Variants in CEP295 observed in about 807,000 individuals in gnomAD.
CEP295 encodes centrosomal protein of 295 kDa.
A neutral mutation model predicts 291.6 loss-of-function variants in CEP295; 190 were observed. The ratio of observed to expected loss-of-function variants is 0.65; its 90% CI spans 0.58 to 0.73. The LOEUF is 0.73. Among genes scored for constraint, CEP295 ranks in the 30% least tolerant of loss-of-function variants. CEP295 has a pLI of 0.00. For missense variants in CEP295, 2,863 were observed against 2,949.4 expected (o/e 0.97, Z 0.68); for synonymous variants, 993 against 1,038.8 (o/e 0.96, Z 0.85).
chr11:93,667,548 T>C (rs1950247728), intron 2 of CEP295, 59 bp from the exon 3 acceptor site: 7 of 1,294,462 alleles, frequency 5.4e-6, no homozygotes, highest in Non-Finnish European at 7.3e-6. Context: ...CCAAATAGCT[T>C]TTCAAAAAAG....
Position 93,698,538 on chromosome 11 carries a change from C to T in CEP295, c.3626C>T (p.Ser1209Phe), listed in dbSNP as rs571453265. ...SEQTGTSSSL[S>F]QVDESERFQE... ...CAGACTGGCACCTCCTCATCCCTTT[C>T]CCAGGTGGATGAATCTGAGAGATTC... The change falls in exon 15 of 30, where the codon TCC becomes TTC. Residue 1209 changes from serine to phenylalanine, a missense_variant. Transcript: ENST00000325212. The T allele has an allele frequency of 2.1e-5, 33 of 1,552,110 alleles. No homozygotes were observed. Among genetic ancestry groups the T allele is most frequent in the African/African-American group, 2.7e-5 (2 of 73,174 alleles).
intron 18 of CEP295, among the ~76,000 whole-genome samples, chr11:93,712,856 T>TTTGTTGTTG (rs56969423): frequency 0.054 from 8,013 of 148,828 alleles, 258 homozygotes; most frequent in Non-Finnish European, 0.069. Flanking sequence ...TTTCTTCTGT[T>TTTGTTGTTG]TTGTTGTTGT....
intron 18 of CEP295, among the ~76,000 whole-genome samples, chr11:93,712,442 C>T (rs778774112): frequency 3.8e-4 from 57 of 151,370 alleles, no homozygotes; most frequent in Non-Finnish European, 2.9e-4. Flanking sequence ...TTAGTAGAGA[C>T]GGGGTTTCGC....
intron 5 of CEP295, among the ~76,000 whole-genome samples, chr11:93,673,745 G>A (rs1029534542): frequency 1.3e-5 from 2 of 151,922 alleles, no homozygotes; most frequent in African/African-American, 2.4e-5. Context: ...TGCCTGCCTT[G>A]GCCTCCCAAA....
At chr11:93,693,356 C>T (rs1418303168) in intron 12 of CEP295, among the ~76,000 whole-genome samples, 1 of 152,100 alleles carries the variant, frequency 6.6e-6, no homozygotes, top group East Asian at 1.9e-4. Context: ...CAACTTACCT[C>T]GAAGGAGGCT....
chr11:93,703,116 A>C (rs1244453071), intron 17 of CEP295, among the ~76,000 whole-genome samples, 197 bp downstream of exon 17: 1 of 152,084 alleles, frequency 6.6e-6, no homozygotes, highest in Non-Finnish European at 1.5e-5. Flanking sequence ...GGCGCCCGCC[A>C]CCACACCCAG....
At position 93,668,942 on chromosome 11, in the gene CEP295, T is replaced by G. The variant is rs1204257197; in HGVS notation, c.434+10T>G. ...TGAAACAAAAAACCTGGTAAAGTAA[T>G]AATTTTTACTATAATCTCAACTGAA... On this transcript the variant is annotated intron_variant, in intron 4 of 29. Transcript: ENST00000325212. The G allele has an allele frequency of 6.7e-6, 7 of 1,037,062 alleles. No individual in the cohort carries two copies. In the East Asian group the frequency reaches 1.8e-4, roughly 27 times the overall value. 64.2% of individuals were successfully genotyped at this position (1,037,062 alleles called of 1,614,324 possible).
intron 18 of CEP295, among the ~76,000 whole-genome samples, chr11:93,717,801 G>A (rs1475198171): frequency 6.6e-6 from 1 of 152,058 alleles, no homozygotes; most frequent in African/African-American, 2.4e-5. Flanking sequence ...TGGAATTGTT[G>A]ATGTTTAACA....
At chr11:93,700,426 CTTTT>C (rs11410177) in intron 15 of CEP295, among the ~76,000 whole-genome samples, 1 of 129,354 alleles carries the variant, frequency 7.7e-6, no homozygotes. Context: ...TTTGTTTTTG[CTTTT>C]TTTTTTTTTT....
In CEP295 at chr11:93,700,075, G is replaced by A. The variant is rs1219883708; in HGVS notation, c.5163G>A (p.Leu1721=). 1 of 1,551,794 alleles carries A rather than the reference G, an allele frequency of 6.4e-7. No individual in the cohort carries two copies. The highest frequency in any genetic ancestry group is 8.7e-7 in the Non-Finnish European group (1 of 1,147,012). The change falls in exon 15 of 30, where the codon CTG becomes CTA. Residue 1721 remains leucine (L), a synonymous_variant. Coordinates refer to ENST00000325212, the MANE Select transcript of CEP295 (RefSeq NM_033395.2). Reference sequence around the variant, plus strand: ...AGTTGGATCTACAAAGAGAAGTTCTGCATTATAGCCAGAAAGCCCAGGAAA... The same window carrying A: ...AGTTGGATCTACAAAGAGAAGTTCTACATTATAGCCAGAAAGCCCAGGAAA... ...QKQLDLQREV[L]HYSQKAQEKL...
rs1950347189 is a variant in CEP295, at chr11:93,669,767, T to G, written c.525T>G (p.Phe175Leu). Residue 175 changes from phenylalanine to leucine, a missense_variant, in exon 5 of 30, where the codon TTT becomes TTG. By Grantham distance (22) the Phe-to-Leu change is conservative. Around this residue, in one of 3 missense-constraint regions of CEP295, gnomAD observed 554 missense variants for 576.0 expected, o/e 0.96. Coordinates refer to ENST00000325212, the MANE Select transcript of CEP295 (RefSeq NM_033395.2). ...TGCCACCTCCTCCTCCAACTCTTTT[T>G]GAGGTGAGTTTGAGTATTAAGAGGA... ...TSLPPPPPTL[F>L]ENIEVKRISA... 1.3e-6 allele frequency: 2 copies of G among 1,545,582 alleles called. No homozygotes were observed. Among genetic ancestry groups the G allele is most frequent in the Non-Finnish European group, 8.8e-7 (1 of 1,141,632 alleles).
Position 93,706,769 on chromosome 11 carries a change from G to C in CEP295, c.5621G>C (p.Arg1874Thr). 6.5e-7 allele frequency: 1 copy of C among 1,546,294 alleles called. No individual in the cohort carries two copies. Among genetic ancestry groups the C allele is most frequent in the Non-Finnish European group, 8.7e-7 (1 of 1,144,674 alleles). The stretch of plus-strand genomic sequence containing the variant: ...GGTAAACCAGGTATTTATGAAGACA[G>C]AGACCCCCTGCGAGTCTCAATAAGC... ...ILGKPGIYED[R>T]DPLRVSISRE... is the part of the protein sequence containing the mutation. Residue 1874 changes from arginine (R) to threonine (T), a missense_variant, in exon 18 of 30, where the codon AGA (arginine) becomes ACA (threonine). Around this residue, in one of 3 missense-constraint regions of CEP295, gnomAD observed 2,295 missense variants for 2,335.7 expected, o/e 0.98. Coordinates refer to ENST00000325212, the MANE Select transcript of CEP295 (RefSeq NM_033395.2).
rs1455060722 is a variant in CEP295 at position 93,700,245 on chromosome 11, T to C, written c.5274+59T>C. 6.6e-6 allele frequency: 9 copies of C among 1,354,696 alleles called. No homozygotes were observed. The African/African-American group carries it at 1.3e-4, about 20-fold the overall frequency. The allele number at this position is 1,354,696 out of a possible 1,614,324, so 83.9% of individuals were successfully genotyped here. ...AGAAGTTTAAACCCAAATCAGTTTTTAATACTAGGATTACAAGTTTTCAGT... is the reference window on the plus strand; with the variant it reads ...AGAAGTTTAAACCCAAATCAGTTTTCAATACTAGGATTACAAGTTTTCAGT... On this transcript the variant is annotated intron_variant, in intron 15 of 29. Transcript: ENST00000325212.
At chr11:93,728,870 T>G in intron 25 of CEP295, 49 bp downstream of exon 25, 2 of 1,475,354 alleles carry the variant, frequency 1.4e-6, no homozygotes, top group Admixed American at 2.2e-5. Flanking sequence ...GCAAACCAGT[T>G]GATTTGTCTC....
rs1484017086 is a variant in CEP295, at chr11:93,699,554, T to C, written c.4642T>C (p.Ser1548Pro). 1.9e-6 allele frequency: 3 copies of C among 1,551,894 alleles called. No individual in the cohort carries two copies. Among genetic ancestry groups the C allele is most frequent in the East Asian group, 4.9e-5 (2 of 40,910 alleles). The change falls in exon 15 of 30, where the codon TCC becomes CCC. Residue 1548 changes from serine (S) to proline (P), a missense_variant. By Grantham distance (74) the Ser-to-Pro change is moderately conservative. Coordinates refer to ENST00000325212, the MANE Select transcript of CEP295 (RefSeq NM_033395.2). ...EKRVSSEQVC[S>P]SSFVSQVPVA... is the part of the protein sequence containing the mutation. The stretch of plus-strand genomic sequence containing the variant: ...AAGGGTATCATCTGAACAAGTTTGC[T>C]CCTCTTCATTTGTATCCCAGGTGCC...
chr11:93,685,022 G>C (rs1951158374), intron 9 of CEP295, among the ~76,000 whole-genome samples: 2 of 152,178 alleles, frequency 1.3e-5, no homozygotes, highest in Non-Finnish European at 2.9e-5. Context: ...TGCATGTCTA[G>C]CAATAAATTT....
At chr11:93,666,245 A>G (rs1950202610) in intron 1 of CEP295, among the ~76,000 whole-genome samples, 2 of 152,190 alleles carry the variant, frequency 1.3e-5, no homozygotes, top group African/African-American at 4.8e-5. Context: ...CGTTTACTCA[A>G]ATTTTCCTTG....
Position 93,679,523 on chromosome 11 carries a change from C to T in CEP295, c.736C>T (p.Gln246Ter). ...RFEKAHVRGFQAMKKIHLAQN... is the reference protein window; with the variant it reads ...RFEKAHVRGF ...TGAAAAGGCACATGTACGGGGATTC[C>T]AAGCAATGAAGAAGATCCATTTGGC... The change falls in exon 7 of 30, where the codon CAA becomes TAA. Residue 246 changes from glutamine (Q) to a stop codon, truncating the protein, a stop_gained. Transcript: ENST00000325212. LOFTEE classifies it high-confidence loss of function. 6.4e-7 allele frequency: 1 copy of T among 1,551,306 alleles called. No individual in the cohort carries two copies. Among genetic ancestry groups the T allele is most frequent in the Non-Finnish European group, 8.7e-7 (1 of 1,146,810 alleles).
At chr11:93,691,610 A>T in intron 10 of CEP295, 73 bp from the exon 11 acceptor site, 1 of 980,288 alleles carries the variant, frequency 1.0e-6, no homozygotes, top group South Asian at 1.5e-5. Flanking sequence ...TGTTAATACC[A>T]GAATTTTGTT....
Sources: allele counts gnomAD v4.1 joint callset (sites outside exome capture counted in the v4.1 genomes callset), GRCh38; gene constraint gnomAD v4.1.1; regional missense constraint gnomAD v4.1.1; transcripts MANE v1.5; gene names NCBI Gene and HGNC (gene_info 2026-07-23, HGNC 2026-07-21).